Variants in STK32B observed in about 807,000 individuals in gnomAD.
The protein encoded by STK32B is serine/threonine kinase 32B, also known as serine/threonine-protein kinase 32B.
Under a neutral mutation model 52.6 loss-of-function variants are expected in STK32B, and 43 were observed. The ratio of observed to expected loss-of-function variants is 0.82; its 90% confidence interval spans 0.64 to 1.05. The LOEUF (loss-of-function observed/expected upper bound fraction) is 1.05. Among genes scored for constraint, STK32B ranks in the 50% least tolerant of loss-of-function variants. STK32B has a pLI of 0.00. For missense variants in STK32B, 621 were observed against 534.6 expected, an observed-to-expected ratio of 1.16 and a Z score of -1.59; for synonymous variants, 238 against 204.3, an observed-to-expected ratio of 1.17 and a Z score of -1.41.
At position 5,452,658 on chromosome 4, in the gene STK32B, AT is replaced by A. The variant is rs60629915; in HGVS notation, c.667-4145del. ...TGTGTTTGGGATTTTGAGTAAAAAG[AT>A]TTTGGGAAAAAAAAATTGGATTAGA... is the stretch of plus-strand genomic sequence containing the variant. On this transcript the variant is annotated intron_variant, in intron 7 of 11. Coordinates refer to ENST00000282908, the MANE Select transcript of STK32B (RefSeq NM_018401.3). Among the ~76,000 whole-genome samples, 1,052 of 152,156 alleles carry A rather than the reference AT, an allele frequency of 6.9e-3. 13 individuals are homozygous for A. The highest frequency in any genetic ancestry group is 0.024 in the African/African-American group (1,009 of 41,510).
chr4:5,338,805 T>G (rs1053091463), intron 4 of STK32B, among the ~76,000 whole-genome samples: 9 of 152,150 alleles, frequency 5.9e-5, no homozygotes, highest in African/African-American at 2.2e-4. Context: ...ATCCAGTAAT[T>G]TATGGGAATG....
rs535841389 is a variant in STK32B at position 5,422,235 on chromosome 4, G to A, written c.562+5301G>A. 7.2e-5 allele frequency among the ~76,000 whole-genome samples: 11 copies of A among 152,316 alleles called. No homozygotes were observed. In the South Asian group the frequency reaches 1.9e-3, roughly 26 times the overall value. On this transcript the variant is annotated intron_variant, in intron 6 of 11. Transcript: ENST00000282908. ...AGTACCAGGCAGTGGGAGTTTAGTG[G>A]GGAAGGTGGAGTTAAGGGAGAGCTC... is the stretch of plus-strand genomic sequence containing the variant.
chr4:5,085,971 A>G (rs933970036), intron 1 of STK32B, among the ~76,000 whole-genome samples: 1 of 151,538 alleles, frequency 6.6e-6, no homozygotes, highest in African/African-American at 2.4e-5. Flanking sequence ...TCTTTATTTT[A>G]CTCAACTTGG....
At chr4:5,157,311 A>AAAAAAAAAC (rs1717938428) in intron 2 of STK32B, among the ~76,000 whole-genome samples, 1 of 151,198 alleles carries the variant, frequency 6.6e-6, no homozygotes, top group Non-Finnish European at 1.5e-5. Context: ...AAAAAAAAAA[A>AAAAAAAAAC]AAAAAAAAAG....
intron 2 of STK32B, among the ~76,000 whole-genome samples, chr4:5,155,415 C>T (rs1577114598): frequency 6.6e-6 from 1 of 152,268 alleles, no homozygotes. Flanking sequence ...TCCCTAGCTC[C>T]TGCTAAGCAG....
intron 3 of STK32B, among the ~76,000 whole-genome samples, chr4:5,240,646 G>T (rs1282314846): frequency 6.6e-6 from 1 of 152,106 alleles, no homozygotes; most frequent in Non-Finnish European, 1.5e-5. Flanking sequence ...TTTTAGGAGA[G>T]ATGTGGTTTC....
chr4:5,246,370 A>C (rs1184814177), intron 3 of STK32B, among the ~76,000 whole-genome samples: 1 of 152,148 alleles, frequency 6.6e-6, no homozygotes, highest in Non-Finnish European at 1.5e-5. Flanking sequence ...CGCATTGGTT[A>C]CTGAGGCTTG....
chr4:5,130,145 G>T (rs10937626), intron 1 of STK32B, among the ~76,000 whole-genome samples: 2 of 150,574 alleles, frequency 1.3e-5, no homozygotes, highest in South Asian at 4.2e-4. Flanking sequence ...ATAGGGTGGT[G>T]AGGGAAGACC....
At chr4:5,159,807 A>AATGTTTATGAATATATATATGAATATATG (rs1718292309) in intron 2 of STK32B, among the ~76,000 whole-genome samples, 1 of 139,788 alleles carries the variant, frequency 7.2e-6, no homozygotes, top group Non-Finnish European at 1.5e-5. Context: ...ATGAATATAT[A>AATGTTTATGAATATATATATGAATATATG]TATGTTATTG....
chr4:5,379,657 C>T (rs1735808696), intron 4 of STK32B, among the ~76,000 whole-genome samples: 1 of 152,046 alleles, frequency 6.6e-6, no homozygotes, highest in Admixed American at 6.5e-5. Context: ...TGCCTGGTGT[C>T]CTTACGACAA....
intron 4 of STK32B, among the ~76,000 whole-genome samples, chr4:5,361,331 A>G (rs905449679): frequency 6.6e-6 from 1 of 152,180 alleles, no homozygotes; most frequent in Non-Finnish European, 1.5e-5. Context: ...CTGGGTATAT[A>G]TTCACAAGTG....
intron 1 of STK32B, among the ~76,000 whole-genome samples, chr4:5,086,298 G>A (rs1712729601): frequency 6.6e-6 from 1 of 152,166 alleles, no homozygotes; most frequent in Non-Finnish European, 1.5e-5. Flanking sequence ...TCAACTATCT[G>A]GCTGAGTGTT....
intron 3 of STK32B, among the ~76,000 whole-genome samples, chr4:5,177,187 C>A (rs577339261): frequency 1.7e-4 from 26 of 152,286 alleles, no homozygotes; most frequent in Non-Finnish European, 3.8e-4. Flanking sequence ...ACTCACAGTT[C>A]TGCGTGGCTG....
rs115647690 is a variant in STK32B, at chr4:5,080,236, C to T, written c.52+28321C>T. 7.1e-3 allele frequency among the ~76,000 whole-genome samples: 1,083 copies of T among 152,296 alleles called. 13 individuals are homozygous for T. The highest frequency in any genetic ancestry group is 0.025 in the African/African-American group (1,027 of 41,568). On this transcript the variant is annotated intron_variant, in intron 1 of 11. Coordinates refer to ENST00000282908, the MANE Select transcript of STK32B (RefSeq NM_018401.3). ...CCCTTTATGATCAGGCCCCCTGCCA[C>T]CTCTCAGACACCATCGTCTTCTGCT...
chr4:5,295,246 G>T (rs189598442), intron 3 of STK32B, among the ~76,000 whole-genome samples: 68 of 151,728 alleles, frequency 4.5e-4, no homozygotes, highest in African/African-American at 1.5e-3. Context: ...TTATTTTTTT[G>T]TTGTGTCTCT....
In STK32B at chr4:5,484,243, A is replaced by C. The variant is rs543864951; in HGVS notation, c.1107-14702A>C. On this transcript the variant is annotated intron_variant, in intron 11 of 11. Transcript: ENST00000282908. The stretch of plus-strand genomic sequence containing the variant: ...TGTCTCAGTCTCTTTGTAGGTCTCT[A>C]AGGACTTGCTCTATGAATCTGGGTA... 2.0e-3 allele frequency among the ~76,000 whole-genome samples: 310 copies of C among 152,260 alleles called. 2 individuals carry two copies. The highest frequency in any genetic ancestry group is 7.1e-3 in the African/African-American group (293 of 41,548).
intron 4 of STK32B, among the ~76,000 whole-genome samples, chr4:5,376,694 C>T (rs897997775): frequency 1.3e-5 from 2 of 152,220 alleles, no homozygotes; most frequent in East Asian, 1.9e-4. Flanking sequence ...GATATTAAGC[C>T]CCATTTCAGG....
chr4:5,495,598 G>T lies in STK32B; in HGVS notation c.1107-3347G>T, dbSNP rs558151889. Among the ~76,000 whole-genome samples the T allele has an allele frequency of 3.3e-5, 5 of 152,324 alleles. No homozygotes were observed. In the East Asian group the frequency reaches 9.6e-4, roughly 29 times the overall value. On this transcript the variant is annotated intron_variant, in intron 11 of 11. Transcript: ENST00000282908. ...ACTCGTCAAAGTCATTCTCCCTCCAGCTTTGTTCCGTTGCTGGTGAGGAGC... is the reference window on the plus strand; with the variant it reads ...ACTCGTCAAAGTCATTCTCCCTCCATCTTTGTTCCGTTGCTGGTGAGGAGC...
chr4:5,212,716 G>T (rs1722975979), intron 3 of STK32B, among the ~76,000 whole-genome samples: 1 of 152,174 alleles, frequency 6.6e-6, no homozygotes, highest in South Asian at 2.1e-4. Context: ...GTTGGTGAGG[G>T]TAGGATGACA....
Sources: gnomAD v4.1 joint callset for allele counts (sites outside exome capture counted in the v4.1 genomes callset) on GRCh38, gnomAD v4.1.1 for gene constraint, MANE v1.5 for transcripts, NCBI Gene and HGNC (gene_info 2026-07-23, HGNC 2026-07-21) for gene names.